The following ERMN variants were observed in gnomAD, a reference collection of about 807,000 sequenced individuals.
The protein encoded by ERMN is ermin, also known as ermin, ERM-like protein.
A neutral mutation model predicts 21.4 loss-of-function variants in ERMN; 17 were observed. The observed-to-expected ratio is 0.80, with a 90% CI of 0.54 to 1.19. The LOEUF is 1.19. ERMN is among the 50% of genes most tolerant of loss of function. The pLI is 0.00. For missense variants in ERMN, 348 were observed against 331.6 expected (o/e 1.05, Z -0.38); for synonymous variants, 115 against 111.9 (o/e 1.03, Z -0.17).
Position 157,324,709 on chromosome 2 carries a change from G to A in ERMN, c.295C>T (p.Leu99Phe). 1 of 1,613,630 alleles carries A rather than the reference G, an allele frequency of 6.2e-7. No individual in the cohort carries two copies. The highest frequency in any genetic ancestry group is 8.5e-7 in the Non-Finnish European group (1 of 1,179,744). The change falls in exon 2 of 3, where the codon CTC (leucine) becomes TTC (phenylalanine). Residue 99 changes from leucine (L) to phenylalanine (F), a missense_variant. Transcript: ENST00000410096. ...IVHKAITDLS[L>F]QETSADEMTF... Reference sequence around the variant, plus strand: ...ATTTCATCAGCACTAGTTTCTTGGAGAGAAAGATCTGTGATAGCCTTATGA... The same window carrying A: ...ATTTCATCAGCACTAGTTTCTTGGAAAGAAAGATCTGTGATAGCCTTATGA...
upstream of ERMN, among the ~76,000 whole-genome samples, chr2:157,326,648 CT>C (rs1389146045): frequency 6.6e-6 from 1 of 152,126 alleles, no homozygotes; most frequent in East Asian, 1.9e-4. Flanking sequence ...CTTTTTAAAT[CT>C]TTTTCTTTTT....
At chr2:157,327,044 T>G (rs538139324), upstream of ERMN, among the ~76,000 whole-genome samples, 69 of 150,626 alleles carry the variant, frequency 4.6e-4, no homozygotes, top group African/African-American at 1.4e-3. Flanking sequence ...AATAATTATA[T>G]ATATACACAT....
At chr2:157,323,529 T>C (rs1213435482) in intron 2 of ERMN, among the ~76,000 whole-genome samples, 13 of 152,200 alleles carry the variant, frequency 8.5e-5, no homozygotes, top group Non-Finnish European at 1.5e-5. Context: ...CTGTCCTCCT[T>C]GACATCTACT....
In ERMN at chr2:157,325,482, G is replaced by T; in HGVS notation, c.161C>A (p.Thr54Asn). ...RVEPSLEGAL[T>N]KGSQEERRKL... ...TCTTCTTTCCTCCTGACTTCCTTTG[G>T]TGAGTGCACCTTCCAGACTGGGTTC... Residue 54 changes from threonine (T) to asparagine (N), a missense_variant, in exon 1 of 3, where the codon ACC (threonine) becomes AAC (asparagine). Coordinates refer to ENST00000410096, the MANE Select transcript of ERMN (RefSeq NM_020711.3). 6.2e-7 allele frequency: 1 copy of T among 1,614,112 alleles called. No individual in the cohort carries two copies. The highest frequency in any genetic ancestry group is 8.5e-7 in the Non-Finnish European group (1 of 1,180,012).
chr2:157,321,914 G>A, intron 2 of ERMN, 123 bp from the exon 3 acceptor site: 5 of 838,228 alleles, frequency 6.0e-6, no homozygotes, highest in Non-Finnish European at 8.9e-6. Context: ...TATGGGATAT[G>A]ATTCTGTGGG....
At chr2:157,324,841 C>A in intron 1 of ERMN, 79 bp from the exon 2 acceptor site, 3 of 995,086 alleles carry the variant, frequency 3.0e-6, no homozygotes, top group Non-Finnish European at 4.4e-6. Context: ...TCAATTTAAA[C>A]TCTAGGTAGA....
At chr2:157,324,473 G>C (rs1036371886) in intron 2 of ERMN, among the ~76,000 whole-genome samples, 197 bp downstream of exon 2, 1 of 152,166 alleles carries the variant, frequency 6.6e-6, no homozygotes, top group Non-Finnish European at 1.5e-5. Flanking sequence ...CCTCAGCCTT[G>C]AACAGTCTGG....
chr2:157,319,274 T>G lies in ERMN; in HGVS notation c.*1997A>C, dbSNP rs1195828118. 6.6e-6 allele frequency: 1 copy of G among 152,194 alleles called. No homozygotes were observed. The highest frequency in any genetic ancestry group is 1.5e-5 in the Non-Finnish European group (1 of 68,030). 9.4% of individuals were successfully genotyped at this position (152,194 alleles called of 1,614,324 possible). A position where few individuals can be genotyped will look rare whatever the true frequency, so the allele number is the denominator to read the frequency against. ...TAGTTTCTGTTGACTAAATCTTTCA[T>G]AGTTCATTCATTGTCTGGTGAGAGC... is the stretch of plus-strand genomic sequence containing the variant. On this transcript the variant is annotated 3_prime_UTR_variant, in exon 3 of 3. Transcript: ENST00000410096.
intron 2 of ERMN, among the ~76,000 whole-genome samples, chr2:157,322,306 A>G (rs1683933011): frequency 1.3e-5 from 2 of 152,136 alleles, no homozygotes; most frequent in South Asian, 4.1e-4. Flanking sequence ...CTTCAGAAAG[A>G]AAAAAATGCT....
upstream of ERMN, chr2:157,327,333 G>T: frequency 1.6e-6 from 1 of 638,506 alleles, no homozygotes; most frequent in African/African-American, 1.8e-5. Context: ...TCTCCCTCCC[G>T]CGTCATCACC....
intron 2 of ERMN, 21 bp from the exon 3 acceptor site, chr2:157,321,812 AGATGAGATGT>A: frequency 6.3e-7 from 1 of 1,580,472 alleles, no homozygotes; most frequent in Middle Eastern, 1.7e-4. Flanking sequence ...ATCAATTGGT[AGATGAGATGT>A]GTAGAGATTC....
In ERMN at chr2:157,321,585, C is replaced by G. The variant is rs911692489; in HGVS notation, c.541G>C (p.Val181Leu). 6.2e-7 allele frequency: 1 copy of G among 1,614,064 alleles called. No individual in the cohort carries two copies. Among genetic ancestry groups the G allele is most frequent in the Non-Finnish European group, 8.5e-7 (1 of 1,179,988 alleles). The stretch of plus-strand genomic sequence containing the variant: ...TCATCATCAATTTCTTCATCCCAAA[C>G]CTTCTGCTCCTCATCATGTTTAGAA... ...LHSKHDEEQK[V>L]WDEEIDDDDD... is the part of the protein sequence containing the mutation. The change falls in exon 3 of 3, where the codon GTT becomes CTT. Residue 181 changes from valine to leucine, a missense_variant. Transcript: ENST00000410096.
At chr2:157,324,358 C>T (rs1048229645) in intron 2 of ERMN, 3 of 296,758 alleles carry the variant, frequency 1.0e-5, no homozygotes, top group African/African-American at 6.8e-5. Context: ...AAGGTGCACA[C>T]ACAGATTTGG....
intron 2 of ERMN, among the ~76,000 whole-genome samples, chr2:157,323,666 T>A (rs1427426475): frequency 6.6e-6 from 1 of 152,204 alleles, no homozygotes; most frequent in Non-Finnish European, 1.5e-5. Context: ...TGTGTATGGC[T>A]GCAAGAGAGG....
chr2:157,324,641 T>A (rs757567077), intron 2 of ERMN, 29 bp downstream of exon 2: 1 of 1,538,876 alleles, frequency 6.5e-7, no homozygotes, highest in South Asian at 1.1e-5. Context: ...TCAAACAATT[T>A]CTGTGTACAA....
At position 157,320,333 on chromosome 2, in the gene ERMN, T is replaced by G. The variant is rs1216060896; in HGVS notation, c.*938A>C. ...TAATTATTTCCATTTTCATAGTAAC[T>G]AGTACAGTTATGACTAGCATTCTCT... On this transcript the variant is annotated 3_prime_UTR_variant, in exon 3 of 3. Coordinates refer to ENST00000410096, the MANE Select transcript of ERMN (RefSeq NM_020711.3). 6.6e-6 allele frequency: 1 copy of G among 152,630 alleles called. No homozygotes were observed. The highest frequency in any genetic ancestry group is 1.9e-4 in the East Asian group (1 of 5,202). The allele number at this position is 152,630 out of a possible 1,614,324, so 9.5% of individuals were successfully genotyped here.
At position 157,325,515 on chromosome 2, in the gene ERMN, T is replaced by C. The variant is rs371149497; in HGVS notation, c.128A>G (p.Tyr43Cys). The change falls in exon 1 of 3, where the codon TAC becomes TGC. Residue 43 changes from tyrosine to cysteine, a missense_variant. By Grantham distance (194) the Tyr-to-Cys change is radical (BLOSUM62 -2). Coordinates refer to ENST00000410096, the MANE Select transcript of ERMN (RefSeq NM_020711.3). ...ACCTTCCAGACTGGGTTCTACCCTG[T>C]AGTGTGGCAGGGGGCTGTCCACATC... is the stretch of plus-strand genomic sequence containing the variant. ...LTDVDSPLPH[Y>C]RVEPSLEGAL... The C allele has an allele frequency of 1.5e-5, 24 of 1,614,086 alleles. No homozygotes were observed. The highest frequency in any genetic ancestry group is 2.7e-5 in the African/African-American group (2 of 74,928).
At chr2:157,323,073 C>A (rs1452464431) in intron 2 of ERMN, among the ~76,000 whole-genome samples, 1 of 152,092 alleles carries the variant, frequency 6.6e-6, no homozygotes, top group Non-Finnish European at 1.5e-5. Context: ...ATAAAACACA[C>A]CAAAATCTGT....
rs768758188 is a variant in ERMN, at chr2:157,321,806, A to G, written c.335-15T>C. On this transcript the variant is annotated splice_polypyrimidine_tract_variant and intron_variant, in intron 2 of 2. Coordinates refer to ENST00000410096, the MANE Select transcript of ERMN (RefSeq NM_020711.3). ...CCACTGATGCCCTGTAGCAAAATCA[A>G]TTGGTAGATGAGATGTGTAGAGATT... The G allele has an allele frequency of 2.0e-5, 31 of 1,588,926 alleles. No individual in the cohort carries two copies. The highest frequency in any genetic ancestry group is 2.5e-5 in the Non-Finnish European group (29 of 1,169,718).
Sources: gnomAD v4.1 joint callset for allele counts (sites outside exome capture counted in the v4.1 genomes callset) on GRCh38, gnomAD v4.1.1 for gene constraint, MANE v1.5 for transcripts, NCBI Gene and HGNC (gene_info 2026-07-23, HGNC 2026-07-21) for gene names.